MTA3: variants seen among roughly 807,000 people sequenced by gnomAD.
MTA3 encodes the protein metastasis associated 1 family member 3, also known as metastasis-associated protein MTA3.
A neutral mutation model predicts 83.5 loss-of-function variants in MTA3; 34 were observed. The ratio of observed to expected loss-of-function variants is 0.41; its 90% CI spans 0.31 to 0.54. MTA3 has a LOEUF of 0.54. MTA3 is among the 20% of genes least tolerant of loss of function. The pLI, the probability that MTA3 is intolerant of heterozygous loss-of-function variation, is 0.33. For missense variants in MTA3, 761 were observed against 726.4 expected, an observed-to-expected ratio of 1.05 and a Z score of -0.55; for synonymous variants, 303 against 252.7, an observed-to-expected ratio of 1.20 and a Z score of -1.89.
intron 2 of MTA3, chr2:42,532,948 G>A (rs1223593188): frequency 1.3e-5 from 3 of 229,236 alleles, no homozygotes; most frequent in Non-Finnish European, 2.6e-5. Context: ...AGCTCAGAGA[G>A]TGCTTAATGT....
intron 4 of MTA3, among the ~76,000 whole-genome samples, chr2:42,616,761 T>C (rs1011860421): frequency 6.6e-6 from 1 of 151,904 alleles, no homozygotes; most frequent in African/African-American, 2.4e-5. Flanking sequence ...GTATTTTTTG[T>C]AGAGACGGGG....
At chr2:42,582,121 G>T (rs938071213) in intron 3 of MTA3, among the ~76,000 whole-genome samples, 1 of 151,430 alleles carries the variant, frequency 6.6e-6, no homozygotes, top group Non-Finnish European at 1.5e-5. Context: ...GTAGTGGCGC[G>T]ATCTTGGCTC....
At chr2:42,738,972 G>T (rs894125093) in intron 16 of MTA3, among the ~76,000 whole-genome samples, 3 of 152,160 alleles carry the variant, frequency 2.0e-5, no homozygotes, top group Admixed American at 1.3e-4. Context: ...AATGGTGCCC[G>T]AAACTTCATT....
At chr2:42,669,588 G>A (rs1191738085) in intron 8 of MTA3, among the ~76,000 whole-genome samples, 1 of 152,030 alleles carries the variant, frequency 6.6e-6, no homozygotes, top group Non-Finnish European at 1.5e-5. Context: ...TAGGAAACAC[G>A]AAATTTTTCT....
At position 42,709,034 on chromosome 2, in the gene MTA3, G is replaced by A. The variant is rs762473175; in HGVS notation, c.1463G>A (p.Arg488Gln). 9.9e-6 allele frequency: 16 copies of A among 1,613,738 alleles called. No individual in the cohort carries two copies. The highest frequency in any genetic ancestry group is 2.7e-5 in the African/African-American group (2 of 74,922). ...CGTCAGGTCTGCAAAAATACCCTCCGGCTGCGGCAGGCAGCAAGACGGCCG... is the reference window on the plus strand; with the variant it reads ...CGTCAGGTCTGCAAAAATACCCTCCAGCTGCGGCAGGCAGCAAGACGGCCG... ...FARQVCKNTL[R>Q]LRQAARRPFV... Residue 488 changes from arginine (R) to glutamine (Q), a missense_variant, in exon 14 of 17, where the codon CGG becomes CAG. Arg to Gln is a conservative substitution (Grantham distance 43, BLOSUM62 1). Coordinates refer to ENST00000405094, the MANE Select transcript of MTA3 (RefSeq NM_001330442.2).
At chr2:42,607,709 C>G (rs1031266843) in intron 3 of MTA3, among the ~76,000 whole-genome samples, 1 of 152,116 alleles carries the variant, frequency 6.6e-6, no homozygotes, top group Non-Finnish European at 1.5e-5. Context: ...ATTGATTTAT[C>G]TCACACCGAG....
chr2:42,747,545 C>T lies in MTA3; in HGVS notation c.1760-5829C>T, dbSNP rs555995061. Among the ~76,000 whole-genome samples, 3 of 151,836 alleles carry T rather than the reference C, an allele frequency of 2.0e-5. No individual in the cohort carries two copies. The East Asian group carries it at 5.9e-4, about 30-fold the overall frequency. On this transcript the variant is annotated intron_variant, in intron 16 of 16. Coordinates refer to ENST00000405094, the MANE Select transcript of MTA3 (RefSeq NM_001330442.2). ...AGGTCAAGGAGAGAGACTCTGTTTT[C>T]TGAGGCCTGCTCTTGAAGCTTTAAG...
intron 9 of MTA3, among the ~76,000 whole-genome samples, chr2:42,694,437 C>A (rs141963440): frequency 2.0e-5 from 3 of 152,006 alleles, no homozygotes; most frequent in African/African-American, 7.3e-5. Flanking sequence ...AAGTTCCAAC[C>A]GATAGGATAG....
chr2:42,502,916 C>G (rs995328427), intron 2 of MTA3, among the ~76,000 whole-genome samples: 2 of 150,842 alleles, frequency 1.3e-5, no homozygotes, highest in African/African-American at 4.9e-5. Flanking sequence ...GAGCTGAGAT[C>G]GCACCACTGC....
intron 9 of MTA3, among the ~76,000 whole-genome samples, chr2:42,689,436 TTC>T (rs1482919125): frequency 1.6e-4 from 24 of 152,314 alleles, no homozygotes; most frequent in South Asian, 1.0e-3. Flanking sequence ...TTGGGAAGTA[TTC>T]TCTTTTCTGT....
chr2:42,540,699 G>T (rs1257557684), intron 2 of MTA3, among the ~76,000 whole-genome samples: 1 of 151,500 alleles, frequency 6.6e-6, no homozygotes, highest in African/African-American at 2.4e-5. Flanking sequence ...GCCAGGCATG[G>T]TGGTGCATGC....
intron 16 of MTA3, among the ~76,000 whole-genome samples, chr2:42,743,091 AG>A (rs1669151801): frequency 6.6e-6 from 1 of 152,226 alleles, no homozygotes; most frequent in Non-Finnish European, 1.5e-5. Flanking sequence ...ACCTTGAGAC[AG>A]TAGAATCTTA....
At chr2:42,545,002 C>A (rs967418143) in intron 2 of MTA3, among the ~76,000 whole-genome samples, 5 of 152,178 alleles carry the variant, frequency 3.3e-5, no homozygotes, top group Non-Finnish European at 5.9e-5. Context: ...TTGTTTAGGA[C>A]TCACAAAGTT....
intron 16 of MTA3, among the ~76,000 whole-genome samples, chr2:42,742,668 A>C (rs1272497518): frequency 1.3e-5 from 2 of 152,200 alleles, no homozygotes. Flanking sequence ...TTCCCAGCAT[A>C]GTCTCTGACT....
At chr2:42,681,960 G>A (rs1691967473) in intron 8 of MTA3, among the ~76,000 whole-genome samples, 1 of 151,968 alleles carries the variant, frequency 6.6e-6, no homozygotes, top group Admixed American at 6.6e-5. Context: ...TAATCCTAGT[G>A]CTTTGGGAGG....
chr2:42,541,525 C>T (rs943486204), intron 2 of MTA3, among the ~76,000 whole-genome samples: 2 of 152,150 alleles, frequency 1.3e-5, no homozygotes, highest in African/African-American at 4.8e-5. Context: ...GGCTTTGTGT[C>T]AGATGATTTT....
At chr2:42,535,665 G>A (rs991302656) in intron 2 of MTA3, among the ~76,000 whole-genome samples, 2 of 152,164 alleles carry the variant, frequency 1.3e-5, no homozygotes, top group Non-Finnish European at 2.9e-5. Flanking sequence ...TTAAATAGCT[G>A]CCTTAAATAA....
chr2:42,756,415 A>G lies in MTA3; in HGVS notation c.*3016A>G, dbSNP rs1399583970. 3 of 971,004 alleles carry G rather than the reference A, an allele frequency of 3.1e-6. No individual in the cohort carries two copies. The highest frequency in any genetic ancestry group is 3.7e-6 in the Non-Finnish European group (3 of 816,974). The allele number at this position is 971,004 out of a possible 1,614,324, so 60.1% of individuals were successfully genotyped here. On this transcript the variant is annotated 3_prime_UTR_variant, in exon 17 of 17. Transcript: ENST00000405094. Reference sequence around the variant, plus strand: ...CCTGGGAGCCTGGGACAGGCGACCCACCGGGTCAGTCCCCTGCCACTCAGA... The same window carrying G: ...CCTGGGAGCCTGGGACAGGCGACCCGCCGGGTCAGTCCCCTGCCACTCAGA...
intron 11 of MTA3, among the ~76,000 whole-genome samples, chr2:42,701,324 G>T (rs978767522): frequency 6.9e-6 from 1 of 145,612 alleles, no homozygotes; most frequent in Non-Finnish European, 1.5e-5. Context: ...TAAAGGCCAG[G>T]CATGGTGGCT....
Sources: allele counts gnomAD v4.1 joint callset (sites outside exome capture counted in the v4.1 genomes callset), GRCh38; gene constraint gnomAD v4.1.1; transcripts MANE v1.5; gene names NCBI Gene and HGNC (gene_info 2026-07-23, HGNC 2026-07-21).